Variants in ACO2 observed in about 807,000 individuals in gnomAD.
ACO2 encodes aconitate hydratase, mitochondrial.
ACO2 carries 31 observed loss-of-function variants against 84.5 expected under a neutral mutation model. The observed-to-expected ratio is 0.37, with a 90% CI of 0.28 to 0.50. ACO2 has a LOEUF of 0.50. ACO2 is among the 20% of genes least tolerant of loss of function. The pLI, the probability that ACO2 is intolerant of heterozygous loss-of-function variation, is 0.97. For missense variants in ACO2, 685 were observed against 1,029.3 expected (o/e 0.67, Z 4.58); for synonymous variants, 414 against 412.7 (o/e 1.00, Z -0.04).
chr22:41,508,431 C>T (rs1279080618), intron 3 of ACO2, among the ~76,000 whole-genome samples: 3 of 152,214 alleles, frequency 2.0e-5, no homozygotes, highest in South Asian at 2.1e-4. Context: ...CCCACTCCCG[C>T]TCTCCTCTGA....
intron 12 of ACO2, 28 bp from the exon 13 acceptor site, chr22:41,524,818 A>G (rs1434016530): frequency 6.2e-7 from 1 of 1,614,036 alleles, no homozygotes; most frequent in Non-Finnish European, 8.5e-7. Flanking sequence ...ATTGGTGCTG[A>G]CCAACAAACT....
chr22:41,493,884 C>T (rs1601894753), intron 1 of ACO2, among the ~76,000 whole-genome samples: 1 of 152,304 alleles, frequency 6.6e-6, no homozygotes, highest in East Asian at 1.9e-4. Flanking sequence ...TATGGCAAAA[C>T]CTCCTCTCTA....
At chr22:41,477,848 C>T (rs866705622) in intron 1 of ACO2, among the ~76,000 whole-genome samples, 2 of 151,966 alleles carry the variant, frequency 1.3e-5, no homozygotes, top group South Asian at 2.1e-4. Context: ...GGGTGGATCA[C>T]GAGGTCAGGA....
At chr22:41,476,366 C>T (rs2038013753) in intron 1 of ACO2, among the ~76,000 whole-genome samples, 1 of 149,626 alleles carries the variant, frequency 6.7e-6, no homozygotes, top group Non-Finnish European at 1.5e-5. Context: ...AAGATTGTGC[C>T]ATTGCACTCC....
At chr22:41,473,777 T>C (rs1385636265) in intron 1 of ACO2, among the ~76,000 whole-genome samples, 1 of 152,072 alleles carries the variant, frequency 6.6e-6, no homozygotes, top group Non-Finnish European at 1.5e-5. Flanking sequence ...AACGCAGCTG[T>C]TTACCATTTT....
chr22:41,509,070 G>A lies in ACO2; in HGVS notation c.432+1021G>A, dbSNP rs543478092. Among the ~76,000 whole-genome samples, 5 of 152,268 alleles carry A rather than the reference G, an allele frequency of 3.3e-5. No homozygotes were observed. In the South Asian group the frequency reaches 8.3e-4, roughly 25 times the overall value. Reference sequence around the variant, plus strand: ...AGGACAGTCCTGCCTGCCGGCCGGCGGTTTCCACATTAGCAACAACACTGG... The same window carrying A: ...AGGACAGTCCTGCCTGCCGGCCGGCAGTTTCCACATTAGCAACAACACTGG... On this transcript the variant is annotated intron_variant, in intron 3 of 17. Transcript: ENST00000216254.
At chr22:41,512,989 C>T (rs1003757325) in intron 4 of ACO2, among the ~76,000 whole-genome samples, 3 of 152,176 alleles carry the variant, frequency 2.0e-5, no homozygotes, top group Admixed American at 6.5e-5. Flanking sequence ...TGTAATCTGA[C>T]GCCGCATGGG....
Position 41,526,278 on chromosome 22 carries a change from C to G in ACO2, c.1778C>G (p.Thr593Ser). The G allele has an allele frequency of 6.2e-7, 1 of 1,612,248 alleles. No individual in the cohort carries two copies. The highest frequency in any genetic ancestry group is 8.5e-7 in the Non-Finnish European group (1 of 1,179,956). The change falls in exon 15 of 18, where the codon ACC (threonine) becomes AGC (serine). Residue 593 changes from threonine to serine, a missense_variant. This residue lies in a region of ACO2 where 10 missense variants were observed against 39.7 expected (regional missense o/e 0.25). Coordinates refer to ENST00000216254, the MANE Select transcript of ACO2 (RefSeq NM_001098.3). Reference sequence around the variant, plus strand: ...CCACCCAAGGTCAAAGGGAAGTGTACCACTGACCACATCTCAGCTGCTGGC... The same window carrying G: ...CCACCCAAGGTCAAAGGGAAGTGTAGCACTGACCACATCTCAGCTGCTGGC... Reference protein sequence around the residue: ...QILIKVKGKCTTDHISAAGPW... With the variant: ...QILIKVKGKCSTDHISAAGPW...
At position 41,488,593 on chromosome 22, in the gene ACO2, G is replaced by A. The variant is rs1261880426; in HGVS notation, c.37-11133G>A. Among the ~76,000 whole-genome samples, 3 of 152,134 alleles carry A rather than the reference G, an allele frequency of 2.0e-5. No homozygotes were observed. The East Asian group carries it at 5.8e-4, about 29-fold the overall frequency. On this transcript the variant is annotated intron_variant, in intron 1 of 17. Coordinates refer to ENST00000216254, the MANE Select transcript of ACO2 (RefSeq NM_001098.3). ...TCGAGTGCTGTTCTGAGTCTCATGT[G>A]CGTTCTGGGGCAACACACTGGGTTG...
At chr22:41,517,671 A>C in intron 7 of ACO2, 40 bp downstream of exon 7, 1 of 1,541,018 alleles carries the variant, frequency 6.5e-7, no homozygotes, top group South Asian at 1.1e-5. Context: ...TGGAACAGTC[A>C]CATGCCCGCT....
At chr22:41,489,394 T>C (rs1323690835) in intron 1 of ACO2, among the ~76,000 whole-genome samples, 1 of 152,140 alleles carries the variant, frequency 6.6e-6, no homozygotes, top group African/African-American at 2.4e-5. Context: ...CTTAATTTCT[T>C]CCAAAATGTC....
intron 1 of ACO2, among the ~76,000 whole-genome samples, chr22:41,480,530 C>T (rs575218006): frequency 1.1e-3 from 175 of 152,174 alleles, no homozygotes; most frequent in African/African-American, 4.0e-3. Flanking sequence ...AACATCTGCC[C>T]GTAATCCTCT....
intron 1 of ACO2, among the ~76,000 whole-genome samples, chr22:41,482,390 C>T (rs962908098): frequency 2.0e-5 from 3 of 152,222 alleles, no homozygotes; most frequent in African/African-American, 7.2e-5. Flanking sequence ...CCCTTCCTGT[C>T]TCTGAGCCTC....
rs1050268056 is a variant in ACO2 at position 41,515,304 on chromosome 22, C to T, written c.526-73C>T. The T allele has an allele frequency of 4.4e-5, 69 of 1,584,728 alleles. No homozygotes were observed. The highest frequency in any genetic ancestry group is 3.4e-4 in the East Asian group (15 of 44,724). ...GTGGCTGGACGTGGTTGGGAGGCCC[C>T]GGGTCAGTGGGGCCATTTTTTGGTA... On this transcript the variant is annotated intron_variant, in intron 4 of 17. Transcript: ENST00000216254. This position sits in a 1 kb window ranked among gnomAD's most constrained non-coding sequence, Gnocchi z 5.8.
chr22:41,481,372 C>T (rs544004513), intron 1 of ACO2, among the ~76,000 whole-genome samples: 67 of 152,276 alleles, frequency 4.4e-4, no homozygotes, highest in South Asian at 3.9e-3. Flanking sequence ...CGGACCCTGG[C>T]CTGTTTGGGT....
At chr22:41,516,757 C>CT (rs1399896997) in intron 6 of ACO2, among the ~76,000 whole-genome samples, 2 of 152,192 alleles carry the variant, frequency 1.3e-5, no homozygotes, top group Admixed American at 6.5e-5. Context: ...GAGTCTAACT[C>CT]TGTCGCCCAG....
intron 15 of ACO2, 149 bp from the exon 16 acceptor site, chr22:41,527,139 G>A (rs2066616741): frequency 8.5e-7 from 1 of 1,170,622 alleles, no homozygotes; most frequent in Non-Finnish European, 1.2e-6. Context: ...TTGCCCTTAG[G>A]CAGCAGGCGA....
rs375633363 is a variant in ACO2, at chr22:41,521,035, CAAAAAAAAAAAA to C, written c.1138+772_1138+783del. ...AGACTCAAGCAACAGAGCCTGCCTC[CAAAAAAAAAAAA>C]AAAAAAAAAAAAGAAAGAAAAGAAA... On this transcript the variant is annotated intron_variant, in intron 9 of 17. Transcript: ENST00000216254. Among the ~76,000 whole-genome samples the C allele has an allele frequency of 6.4e-4, 52 of 81,606 alleles. No individual in the cohort carries two copies. The South Asian group carries it at 8.5e-3, about 13-fold the overall frequency. 53.5% of individuals were successfully genotyped at this position (81,606 alleles called of 152,430 possible).
At chr22:41,527,122 G>A in intron 15 of ACO2, 166 bp from the exon 16 acceptor site, 1 of 994,732 alleles carries the variant, frequency 1.0e-6, no homozygotes, top group Non-Finnish European at 1.5e-6. Context: ...ATTCACGCAG[G>A]CTTCACTTGC....
Sources: allele counts gnomAD v4.1 joint callset (sites outside exome capture counted in the v4.1 genomes callset), GRCh38; gene constraint gnomAD v4.1.1; regional missense constraint gnomAD v4.1.1; non-coding constraint Gnocchi (gnomAD v3.1); transcripts MANE v1.5; gene names NCBI Gene and HGNC (gene_info 2026-07-23, HGNC 2026-07-21).